CDH4: variants seen among roughly 807,000 people sequenced by gnomAD.
CDH4 encodes the protein cadherin-4.
Under a neutral mutation model 86.0 loss-of-function variants are expected in CDH4, and 33 were observed. The ratio of observed to expected loss-of-function variants is 0.38; its 90% confidence interval spans 0.29 to 0.51. The LOEUF is 0.51. Ranked by LOEUF, CDH4 falls within the 20% of genes least tolerant of loss-of-function variation. The pLI is 0.86. For missense variants in CDH4, 1,114 were observed against 1,307.4 expected (o/e 0.85, Z 2.28); for synonymous variants, 555 against 549.4 (o/e 1.01, Z -0.14).
At chr20:61,898,882 C>T (rs1296610283) in intron 8 of CDH4, among the ~76,000 whole-genome samples, 2 of 152,200 alleles carry the variant, frequency 1.3e-5, no homozygotes, top group South Asian at 2.1e-4. Flanking sequence ...AGCTGGGTGG[C>T]GAGCAGACAA....
At chr20:61,318,436 G>A (rs186051508) in intron 2 of CDH4, among the ~76,000 whole-genome samples, 16 of 151,976 alleles carry the variant, frequency 1.1e-4, no homozygotes, top group Non-Finnish European at 1.8e-4. Flanking sequence ...TTGAACTGAC[G>A]TTCTTTTTTT....
chr20:61,850,554 C>T (rs1218597863), intron 5 of CDH4, among the ~76,000 whole-genome samples: 1 of 152,240 alleles, frequency 6.6e-6, no homozygotes, highest in Non-Finnish European at 1.5e-5. Context: ...GACACATTTC[C>T]CCCGAGCGCC....
intron 2 of CDH4, among the ~76,000 whole-genome samples, chr20:61,273,782 A>G (rs1024973034): frequency 7.0e-6 from 1 of 143,218 alleles, no homozygotes; most frequent in African/African-American, 2.7e-5. Context: ...TTGGAGGAGT[A>G]CCATGTGCAG....
At chr20:61,841,698 C>T (rs1049753577) in intron 4 of CDH4, among the ~76,000 whole-genome samples, 9 of 148,772 alleles carry the variant, frequency 6.0e-5, no homozygotes, top group African/African-American at 1.8e-4. Flanking sequence ...AGGTGCATTG[C>T]GGGGGGGAAC....
chr20:61,265,270 C>T (rs2123128118), intron 2 of CDH4, among the ~76,000 whole-genome samples: 1 of 151,598 alleles, frequency 6.6e-6, no homozygotes, highest in South Asian at 2.1e-4. Context: ...TTCATTCAGT[C>T]CTACACGTAC....
At chr20:61,634,041 T>C (rs1039694244) in intron 2 of CDH4, among the ~76,000 whole-genome samples, 3 of 152,190 alleles carry the variant, frequency 2.0e-5, no homozygotes, top group African/African-American at 7.2e-5. Context: ...GGCAAGTCAG[T>C]GTTTCAGACC....
chr20:61,647,928 A>G (rs1364124281), intron 2 of CDH4, among the ~76,000 whole-genome samples: 1 of 152,122 alleles, frequency 6.6e-6, no homozygotes, highest in Non-Finnish European at 1.5e-5. Flanking sequence ...TCATGAGCAC[A>G]CCCCTGCAGG....
At chr20:61,474,591 TAAG>T (rs1206764203) in intron 2 of CDH4, among the ~76,000 whole-genome samples, 1 of 152,158 alleles carries the variant, frequency 6.6e-6, no homozygotes, top group African/African-American at 2.4e-5. Flanking sequence ...TTTAGATTAT[TAAG>T]AAGGCTCTAC....
At chr20:61,287,808 T>C (rs1466226430) in intron 2 of CDH4, among the ~76,000 whole-genome samples, 1 of 152,128 alleles carries the variant, frequency 6.6e-6, no homozygotes, top group Non-Finnish European at 1.5e-5. Flanking sequence ...GAAGCATCCA[T>C]TGTGGGAATA....
intron 1 of CDH4, among the ~76,000 whole-genome samples, chr20:61,253,224 G>A (rs1264665471): frequency 6.6e-6 from 1 of 151,180 alleles, no homozygotes; most frequent in African/African-American, 2.4e-5. Flanking sequence ...GGGGCTGGGA[G>A]CTGGGCCGGG....
chr20:61,634,010 C>T (rs1052735820), intron 2 of CDH4, among the ~76,000 whole-genome samples: 4 of 152,222 alleles, frequency 2.6e-5, no homozygotes, highest in African/African-American at 9.6e-5. Context: ...GGTTCTGCTT[C>T]TCTCTGCAAG....
chr20:61,720,022 G>T (rs1317671667), intron 2 of CDH4, among the ~76,000 whole-genome samples: 1 of 152,158 alleles, frequency 6.6e-6, no homozygotes, highest in Non-Finnish European at 1.5e-5. Flanking sequence ...CTTCCTTCTT[G>T]CAAGTTCCTC....
At chr20:61,855,587 C>T (rs1982962233) in intron 6 of CDH4, among the ~76,000 whole-genome samples, 1 of 152,222 alleles carries the variant, frequency 6.6e-6, no homozygotes, top group African/African-American at 2.4e-5. Flanking sequence ...ATTTTCCTGG[C>T]CTTTCTATCA....
intron 2 of CDH4, among the ~76,000 whole-genome samples, chr20:61,659,863 G>A (rs1029475629): frequency 6.6e-6 from 1 of 152,242 alleles, no homozygotes; most frequent in Non-Finnish European, 1.5e-5. Context: ...TGCAGCTGCA[G>A]CCTCTGGAAA....
intron 4 of CDH4, among the ~76,000 whole-genome samples, chr20:61,805,561 G>A (rs889451307): frequency 6.6e-6 from 1 of 152,236 alleles, no homozygotes; most frequent in African/African-American, 2.4e-5. Context: ...GCTCCTGTGT[G>A]CAGCACAGAG....
chr20:61,441,886 G>A (rs543756411), intron 2 of CDH4, among the ~76,000 whole-genome samples: 45 of 152,252 alleles, frequency 3.0e-4, no homozygotes, highest in African/African-American at 1.1e-3. Flanking sequence ...TGTGCAGGTG[G>A]CACGGCACGT....
intron 2 of CDH4, among the ~76,000 whole-genome samples, chr20:61,353,556 G>A (rs1600893829): frequency 9.4e-6 from 1 of 105,848 alleles, no homozygotes; most frequent in African/African-American, 3.5e-5. Context: ...ACATCTCTCA[G>A]ACTGGTCACT....
At chr20:61,644,738 G>C (rs1160856202) in intron 2 of CDH4, among the ~76,000 whole-genome samples, 3 of 152,196 alleles carry the variant, frequency 2.0e-5, no homozygotes, top group African/African-American at 7.2e-5. Context: ...ACCGTTCCTG[G>C]CTTCGTGGAG....
intron 2 of CDH4, among the ~76,000 whole-genome samples, chr20:61,584,170 G>A (rs2086452761): frequency 6.6e-6 from 1 of 152,144 alleles, no homozygotes; most frequent in Admixed American, 6.5e-5. Context: ...AAAAATATAT[G>A]TGCGTCAGTA....
Sources: allele counts gnomAD v4.1 joint callset (sites outside exome capture counted in the v4.1 genomes callset), GRCh38; gene constraint gnomAD v4.1.1; transcripts MANE v1.5; gene names NCBI Gene and HGNC (gene_info 2026-07-23, HGNC 2026-07-21).